GRB10: variants seen among roughly 807,000 people sequenced by gnomAD.
GRB10 encodes the protein growth factor receptor-bound protein 10.
Under a neutral mutation model 80.9 loss-of-function variants are expected in GRB10, and 20 were observed. The ratio of observed to expected loss-of-function variants is 0.25; its 90% CI spans 0.17 to 0.36. The LOEUF (loss-of-function observed/expected upper bound fraction) is 0.36. GRB10 is among the 10% of genes least tolerant of loss of function. GRB10 has a pLI of 1.00. For synonymous variants in GRB10, 291 were observed against 291.5 expected (o/e 1.00, Z 0.02); for missense variants, 548 against 747.7 (o/e 0.73, Z 3.12).
chr7:50,638,794 T>C (rs2055555760), intron 7 of GRB10, among the ~76,000 whole-genome samples: 1 of 152,238 alleles, frequency 6.6e-6, no homozygotes, highest in Non-Finnish European at 1.5e-5. Flanking sequence ...TGCATCTGTA[T>C]GTTTATCAAA....
At chr7:50,601,400 A>G (rs192489469) in intron 17 of GRB10, among the ~76,000 whole-genome samples, 2 of 152,332 alleles carry the variant, frequency 1.3e-5, no homozygotes, top group African/African-American at 2.4e-5. Context: ...CTAAAGAGAA[A>G]CTGAAACAAA....
intron 5 of GRB10, among the ~76,000 whole-genome samples, chr7:50,691,481 T>C (rs1057410057): frequency 6.6e-6 from 1 of 152,286 alleles, no homozygotes; most frequent in East Asian, 1.9e-4. Context: ...ATTCAATGGG[T>C]TAAAATACGA....
rs10658980 is a variant in GRB10 at position 50,692,289 on chromosome 7, TAC to T, written c.139+11530_139+11531del. Among the ~76,000 whole-genome samples, 348 of 150,268 alleles carry T rather than the reference TAC, an allele frequency of 2.3e-3. 1 individual carries two copies. Among genetic ancestry groups the T allele is most frequent in the African/African-American group, 4.0e-3 (164 of 41,186 alleles). On this transcript the variant is annotated intron_variant, in intron 5 of 18. Transcript: ENST00000401949. The stretch of plus-strand genomic sequence containing the variant: ...CTGCAGATATCAAGGGACAACTGTG[TAC>T]ACACACACACACACACGCACACATA...
intron 2 of GRB10, among the ~76,000 whole-genome samples, chr7:50,775,253 A>T (rs2077504816): frequency 6.6e-6 from 1 of 152,150 alleles, no homozygotes; most frequent in African/African-American, 2.4e-5. Flanking sequence ...AAGAGGTAAC[A>T]TTTCCCAACC....
At chr7:50,764,174 A>C (rs6979369) in intron 2 of GRB10, among the ~76,000 whole-genome samples, 96,045 of 152,112 alleles carry the variant, frequency 0.63, 32,691 homozygotes, top group Middle Eastern at 0.87. Context: ...CTCCTCAGAG[A>C]ACCAAGGCTC....
intron 3 of GRB10, among the ~76,000 whole-genome samples, chr7:50,741,581 G>A (rs1300041325): frequency 6.7e-6 from 1 of 150,118 alleles, no homozygotes; most frequent in Non-Finnish European, 1.5e-5. Context: ...AAAAACGAAG[G>A]CACTTGAAAA....
intron 7 of GRB10, among the ~76,000 whole-genome samples, chr7:50,631,960 G>A (rs753690630): frequency 7.2e-5 from 11 of 152,156 alleles, no homozygotes; most frequent in Non-Finnish European, 1.3e-4. Context: ...ACTACCCAGC[G>A]TGTACCAGGT....
intron 2 of GRB10, among the ~76,000 whole-genome samples, chr7:50,773,923 T>C (rs1055095338): frequency 2.6e-5 from 4 of 152,212 alleles, no homozygotes; most frequent in African/African-American, 2.4e-5. Context: ...AGTGGCGTGA[T>C]CTCAGCTCAC....
chr7:50,620,428 A>G (rs966408250), intron 8 of GRB10, among the ~76,000 whole-genome samples: 3 of 151,990 alleles, frequency 2.0e-5, no homozygotes, highest in African/African-American at 7.2e-5. Context: ...TGCAGAAAAG[A>G]CTTTCCGTCT....
At chr7:50,617,987 GT>G in intron 10 of GRB10, 83 bp downstream of exon 10, 1 of 1,167,200 alleles carries the variant, frequency 8.6e-7, no homozygotes, top group South Asian at 1.2e-5. Flanking sequence ...ATCTCTTTAG[GT>G]TTTTTACAAT....
At position 50,649,510 on chromosome 7, in the gene GRB10, G is replaced by C. The variant is rs116705654; in HGVS notation, c.504+20212C>G. ...TAGAACACAGTGACGACACACACGG[G>C]GGAGGGAATGGAGAACGGGACTGTA... On this transcript the variant is annotated intron_variant, in intron 7 of 18. Transcript: ENST00000401949. 3.1e-3 allele frequency among the ~76,000 whole-genome samples: 475 copies of C among 152,360 alleles called. 5 individuals carry two copies. The highest frequency in any genetic ancestry group is 0.011 in the African/African-American group (442 of 41,580).
chr7:50,686,981 A>G (rs936927292), intron 5 of GRB10, among the ~76,000 whole-genome samples: 1 of 152,168 alleles, frequency 6.6e-6, no homozygotes, highest in African/African-American at 2.4e-5. Context: ...AGAAGGCCGG[A>G]GCTGCCCTTG....
At chr7:50,617,770 A>G in intron 10 of GRB10, 1 of 473,504 alleles carries the variant, frequency 2.1e-6, no homozygotes, top group Non-Finnish European at 3.8e-6. Context: ...GGGTTTCTCC[A>G]TGCACCCCCT....
chr7:50,665,662 G>A (rs1178556481), intron 7 of GRB10, among the ~76,000 whole-genome samples: 2 of 152,242 alleles, frequency 1.3e-5, no homozygotes, highest in African/African-American at 4.8e-5. Flanking sequence ...TGGGACCAGG[G>A]AGGTGAGACC....
At chr7:50,735,517 C>T (rs533455380) in intron 3 of GRB10, among the ~76,000 whole-genome samples, 34 of 152,170 alleles carry the variant, frequency 2.2e-4, no homozygotes, top group Non-Finnish European at 1.5e-5. Flanking sequence ...TTAGGTTTTT[C>T]TGTAGGTTGA....
At chr7:50,725,212 A>G (rs925321048) in intron 4 of GRB10, among the ~76,000 whole-genome samples, 2 of 152,154 alleles carry the variant, frequency 1.3e-5, no homozygotes, top group African/African-American at 4.8e-5. Flanking sequence ...TGCTATTCTC[A>G]TGACAGTAAG....
chr7:50,713,776 ACCT>A (rs1483940844), intron 4 of GRB10, among the ~76,000 whole-genome samples: 1 of 134,986 alleles, frequency 7.4e-6, no homozygotes, highest in Non-Finnish European at 1.6e-5. Context: ...CCTCACCTCC[ACCT>A]CCTCCATCTC....
intron 8 of GRB10, among the ~76,000 whole-genome samples, chr7:50,619,872 G>A (rs972737728): frequency 2.6e-5 from 4 of 152,290 alleles, no homozygotes; most frequent in East Asian, 1.9e-4. Flanking sequence ...CGAATTACAC[G>A]TGAAGGCAGG....
At chr7:50,740,399 A>G (rs2071496127) in intron 3 of GRB10, among the ~76,000 whole-genome samples, 1 of 152,258 alleles carries the variant, frequency 6.6e-6, no homozygotes, top group African/African-American at 2.4e-5. Context: ...CAGGGACCCA[A>G]GAAAGATCTG....
Sources: gnomAD v4.1 joint callset for allele counts (sites outside exome capture counted in the v4.1 genomes callset) on GRCh38, gnomAD v4.1.1 for gene constraint, MANE v1.5 for transcripts, NCBI Gene and HGNC (gene_info 2026-07-23, HGNC 2026-07-21) for gene names.